The following TENM3 variants were observed in gnomAD, a reference collection of about 807,000 sequenced individuals.
The protein encoded by TENM3 is teneurin transmembrane protein 3, also known as teneurin-3.
Under a neutral mutation model 255.1 loss-of-function variants are expected in TENM3, and 63 were observed. The ratio of observed to expected loss-of-function variants is 0.25; its 90% CI spans 0.20 to 0.30. The LOEUF is 0.30. Among genes scored for constraint, TENM3 ranks in the 10% least tolerant of loss-of-function variants. The pLI is 1.00. For missense variants in TENM3, 2,929 were observed against 3,461.1 expected, an observed-to-expected ratio of 0.85 and a Z score of 3.86; for synonymous variants, 1,306 against 1,322.3, an observed-to-expected ratio of 0.99 and a Z score of 0.27.
intron 1 of TENM3, among the ~76,000 whole-genome samples, chr4:182,173,771 C>T (rs565090831): frequency 1.8e-4 from 27 of 152,200 alleles, no homozygotes; most frequent in Middle Eastern, 3.4e-3. Context: ...CAGCTTGTTA[C>T]GTAAATCCAG....
chr4:181,683,652 G>A, the TENM3 span, among the ~76,000 whole-genome samples: 1 of 152,266 alleles, frequency 6.6e-6, no homozygotes, highest in African/African-American at 2.4e-5. Context: ...TGTGTCAGAC[G>A]AAGCTTTCAG....
chr4:181,918,738 T>A, the TENM3 span, among the ~76,000 whole-genome samples: 1 of 152,088 alleles, frequency 6.6e-6, no homozygotes, highest in Non-Finnish European at 1.5e-5. Context: ...CTTCATTTCT[T>A]CCTATCTGTC....
At chr4:181,921,443 C>T in the TENM3 span, among the ~76,000 whole-genome samples, 2 of 152,234 alleles carry the variant, frequency 1.3e-5, no homozygotes, top group East Asian at 3.9e-4. Flanking sequence ...TTGAAGAGCT[C>T]CTTCACGTCC....
chr4:181,464,912 T>C, the TENM3 span, among the ~76,000 whole-genome samples: 1 of 152,084 alleles, frequency 6.6e-6, no homozygotes, highest in African/African-American at 2.4e-5. Flanking sequence ...GATGGTGCCA[T>C]TGCACTCTCC....
chr4:182,091,105 G>A, the TENM3 span, among the ~76,000 whole-genome samples: 15 of 152,158 alleles, frequency 9.9e-5, no homozygotes, highest in Middle Eastern at 3.2e-3. Context: ...TCAGTTGACC[G>A]AGTTTCAGAA....
At chr4:181,732,176 G>A in the TENM3 span, among the ~76,000 whole-genome samples, 1 of 152,156 alleles carries the variant, frequency 6.6e-6, no homozygotes, top group Non-Finnish European at 1.5e-5. Context: ...ATGGGTGATT[G>A]GCTGAGAAAT....
chr4:182,352,657 C>A (rs1341769773), intron 3 of TENM3, among the ~76,000 whole-genome samples: 1 of 152,100 alleles, frequency 6.6e-6, no homozygotes, highest in Non-Finnish European at 1.5e-5. Context: ...AGACACTTTG[C>A]ACAGCTGAAA....
chr4:182,669,268 T>TTTTTTGTTTTTG (rs10649861), intron 6 of TENM3, among the ~76,000 whole-genome samples: 2 of 150,876 alleles, frequency 1.3e-5, no homozygotes, highest in African/African-American at 2.4e-5. Flanking sequence ...ATGTCACGTT[T>TTTTTTGTTTTTG]TTTTTGTTTT....
rs556149297 is a variant in TENM3, at chr4:182,772,779, T to G, written c.4893-693T>G. 2.6e-5 allele frequency among the ~76,000 whole-genome samples: 4 copies of G among 152,136 alleles called. No homozygotes were observed. In the South Asian group the frequency reaches 8.3e-4, roughly 32 times the overall value. On this transcript the variant is annotated intron_variant, in intron 22 of 27. Transcript: ENST00000511685. ...AAGTGTGTAAAAAAAAAACAAATAA[T>G]CATTAAATGTCAGGAAATATTGCAT...
the TENM3 span, among the ~76,000 whole-genome samples, chr4:181,772,400 T>C: frequency 2.0e-5 from 3 of 151,880 alleles, no homozygotes; most frequent in Non-Finnish European, 4.4e-5. Context: ...ATAATAATAA[T>C]AATTTAAAAA....
At chr4:182,790,149 C>T (rs1218183408) in intron 25 of TENM3, among the ~76,000 whole-genome samples, 1 of 152,094 alleles carries the variant, frequency 6.6e-6, no homozygotes, top group East Asian at 1.9e-4. Context: ...AAAGCATATT[C>T]ATGGAATGTT....
intron 3 of TENM3, among the ~76,000 whole-genome samples, chr4:182,588,389 T>C (rs574732026): frequency 6.6e-6 from 1 of 152,346 alleles, no homozygotes; most frequent in East Asian, 1.9e-4. Context: ...TAAGCCACAC[T>C]TTATAAGTCA....
At chr4:182,425,029 A>G (rs1449425235) in intron 3 of TENM3, among the ~76,000 whole-genome samples, 2 of 152,184 alleles carry the variant, frequency 1.3e-5, no homozygotes, top group African/African-American at 4.8e-5. Context: ...ATACTTGCAC[A>G]TCGATCCTTA....
At chr4:182,665,624 G>A (rs28785610) in intron 6 of TENM3, among the ~76,000 whole-genome samples, 2,815 of 152,238 alleles carry the variant, frequency 0.018, 86 homozygotes, top group African/African-American at 0.062. Context: ...GGCTGGGCAC[G>A]GTGGCTCACA....
At chr4:182,107,001 C>T in the TENM3 span, among the ~76,000 whole-genome samples, 1 of 152,090 alleles carries the variant, frequency 6.6e-6, no homozygotes, top group Non-Finnish European at 1.5e-5. Flanking sequence ...GCTTACCTCC[C>T]GTCAAATGCC....
rs759240166 is a variant in TENM3, at chr4:182,600,956, C to G, written c.544C>G (p.Leu182Val). 16 of 1,585,276 alleles carry G rather than the reference C, an allele frequency of 1.0e-5. No homozygotes were observed. In the Admixed American group the frequency reaches 2.8e-4, roughly 28 times the overall value. The change falls in exon 4 of 28, where the codon CTG becomes GTG. Residue 182 changes from leucine to valine, a missense_variant. Transcript: ENST00000511685. ...QPASNQGQSTLQPLPPSHKQH... is the reference protein window; with the variant it reads ...QPASNQGQSTVQPLPPSHKQH... ...TGCAAGCAATCAAGGCCAGTCTACC[C>G]TGCAGCCCTTGCCGCCTTCCCATAA...
At chr4:182,519,811 T>C (rs1738373103) in intron 3 of TENM3, among the ~76,000 whole-genome samples, 1 of 152,176 alleles carries the variant, frequency 6.6e-6, no homozygotes, top group Non-Finnish European at 1.5e-5. Flanking sequence ...GAAGGAAATA[T>C]TTCTATATTT....
chr4:181,827,616 G>A, the TENM3 span, among the ~76,000 whole-genome samples: 24 of 152,298 alleles, frequency 1.6e-4, no homozygotes, highest in African/African-American at 4.6e-4. Flanking sequence ...TGACAGTCAC[G>A]ATTTGCAAAC....
the TENM3 span, among the ~76,000 whole-genome samples, chr4:181,670,876 A>G: frequency 5.9e-5 from 9 of 152,356 alleles, no homozygotes; most frequent in African/African-American, 2.2e-4. Flanking sequence ...AAAAAAATCT[A>G]AACAGCAGAA....
Sources: allele counts gnomAD v4.1 joint callset (sites outside exome capture counted in the v4.1 genomes callset), GRCh38; gene constraint gnomAD v4.1.1; transcripts MANE v1.5; gene names NCBI Gene and HGNC (gene_info 2026-07-23, HGNC 2026-07-21).